Variants in SKI observed in about 807,000 individuals in gnomAD.
The protein encoded by SKI is SKI proto-oncogene.
In SKI, 23 loss-of-function variants were observed where a neutral mutation model predicts 59.3. The observed-to-expected ratio is 0.39, with a 90% confidence interval of 0.28 to 0.55. The LOEUF (loss-of-function observed/expected upper bound fraction) is 0.55. SKI is among the 20% of genes least tolerant of loss of function. The probability of loss-of-function intolerance (pLI) is 0.67; values close to 1 mark genes in which losing one functional copy is unlikely to be tolerated. For synonymous variants in SKI, 673 were observed against 488.6 expected (o/e 1.38, Z -4.98); for missense variants, 1,017 against 1,038.9 (o/e 0.98, Z 0.29).
intron 1 of SKI, among the ~76,000 whole-genome samples, chr1:2,258,518 T>C (rs962494981): frequency 5.3e-5 from 8 of 151,924 alleles, no homozygotes; most frequent in Non-Finnish European, 1.0e-4. Context: ...TTTTTTTTTT[T>C]TCTCCCATGA....
rs1330346480 is a variant in SKI, at chr1:2,228,957, T to G, written c.191T>G (p.Val64Gly). ...EAGAAAVPAP[V>G]PAATEPPPVL... ...GGCGCGGCCGCGGTGCCGGCGCCGG[T>G]GCCCGCAGCCACCGAGCCGCCGCCC... The change falls in exon 1 of 7, where the codon GTG (valine) becomes GGG (glycine). Residue 64 changes from valine (V) to glycine (G), a missense_variant. Val to Gly is a moderately radical substitution (Grantham distance 109). Coordinates refer to ENST00000378536, the MANE Select transcript of SKI (RefSeq NM_003036.4). The G allele has an allele frequency of 2.8e-6, 4 of 1,414,612 alleles. No individual in the cohort carries two copies. The highest frequency in any genetic ancestry group is 3.7e-6 in the Non-Finnish European group (4 of 1,087,352). 87.6% of individuals were successfully genotyped at this position (1,414,612 alleles called of 1,614,324 possible).
rs1197950875 is a variant in SKI, at chr1:2,267,085, C to CT, written c.970-35891dup. On this transcript the variant is annotated intron_variant, in intron 1 of 6. Transcript: ENST00000378536. The surrounding 1 kb of genome is among the most constrained non-coding windows in gnomAD (Gnocchi z 4.1). ...TACATTAAATTCGTTTTGTTAACATCTTCATCACCGCCTTTTCAGTTTCAG... is the reference window on the plus strand; with the variant it reads ...TACATTAAATTCGTTTTGTTAACATCTTTCATCACCGCCTTTTCAGTTTCAG... 6.6e-6 allele frequency among the ~76,000 whole-genome samples: 1 copy of CT among 152,188 alleles called. No individual in the cohort carries two copies. Among genetic ancestry groups the CT allele is most frequent in the East Asian group, 1.9e-4 (1 of 5,202 alleles).
rs542970011 is a variant in SKI at position 2,229,396 on chromosome 1, C to T, written c.630C>T (p.Gly210=). 5.6e-6 allele frequency: 9 copies of T among 1,608,016 alleles called. No homozygotes were observed. The South Asian group carries it at 6.6e-5, about 12-fold the overall frequency. The part of the protein sequence containing the change: ...KKELAASLAL[G]LELSERSVRV... ...AGCTGGCCGCCAGCCTGGCGCTGGG[C>T]CTGGAGCTCAGCGAGCGCAGCGTCC... The change falls in exon 1 of 7, where the codon GGC becomes GGT. Residue 210 remains glycine (G), a synonymous_variant. Transcript: ENST00000378536. This position sits in a 1 kb window ranked among gnomAD's most constrained non-coding sequence, Gnocchi z 6.3.
At position 2,229,123 on chromosome 1, in the gene SKI, G is replaced by A; in HGVS notation, c.357G>A (p.Lys119=). The A allele has an allele frequency of 1.9e-6, 3 of 1,611,014 alleles. No individual in the cohort carries two copies. Among genetic ancestry groups the A allele is most frequent in the South Asian group, 1.1e-5 (1 of 91,074 alleles). ...CGTGCTTCGTGGTGGGAGGCGAGAA[G>A]CGCCTGTGTCTGCCGCAGATTCTCA... is the stretch of plus-strand genomic sequence containing the variant. ...TISCFVVGGE[K]RLCLPQILNS... is the part of the protein sequence containing the mutation. The change falls in exon 1 of 7, where the codon AAG becomes AAA. Residue 119 remains lysine (K), a synonymous_variant. Transcript: ENST00000378536. This position sits in a 1 kb window ranked among gnomAD's most constrained non-coding sequence, Gnocchi z 6.3.
At chr1:2,306,415 G>T (rs914726555) in intron 6 of SKI, among the ~76,000 whole-genome samples, 162 bp from the exon 7 acceptor site, 37 of 152,202 alleles carry the variant, frequency 2.4e-4, no homozygotes, top group Non-Finnish European at 3.7e-4. Context: ...TGGTTGCTGG[G>T]CCCTGCGTCT....
chr1:2,232,109 C>T lies in SKI; in HGVS notation c.969+2374C>T, dbSNP rs541958099. The stretch of plus-strand genomic sequence containing the variant: ...AGGCCCCGCCTCCGCCCTCACTGGC[C>T]GCCGTTGGCTCCTCCCACTCGTGTC... On this transcript the variant is annotated intron_variant, in intron 1 of 6. Coordinates refer to ENST00000378536, the MANE Select transcript of SKI (RefSeq NM_003036.4). Among the ~76,000 whole-genome samples, 148 of 152,346 alleles carry T rather than the reference C, an allele frequency of 9.7e-4. 1 individual carries two copies. Among genetic ancestry groups the T allele is most frequent in the Non-Finnish European group, 1.9e-3 (126 of 68,032 alleles).
Position 2,276,293 on chromosome 1 carries a change from C to A in SKI, c.970-26685C>A, listed in dbSNP as rs945650898. On this transcript the variant is annotated intron_variant, in intron 1 of 6. Coordinates refer to ENST00000378536, the MANE Select transcript of SKI (RefSeq NM_003036.4). ...TGTGGCTGGCTACCCCAGGTGGCTC[C>A]ACCCAGCTCTCAGAAGTTCACCTGC... is the stretch of plus-strand genomic sequence containing the variant. Among the ~76,000 whole-genome samples, 3 of 152,210 alleles carry A rather than the reference C, an allele frequency of 2.0e-5. No homozygotes were observed. The East Asian group carries it at 5.8e-4, about 30-fold the overall frequency.
At chr1:2,289,028 TGTCAGTGTG>T (rs1458095781) in intron 1 of SKI, among the ~76,000 whole-genome samples, 2 of 152,210 alleles carry the variant, frequency 1.3e-5, no homozygotes, top group East Asian at 3.8e-4. Context: ...GTCACTGAGC[TGTCAGTGTG>T]GTCAGCTTGC....
At chr1:2,286,024 C>T (rs1300651274) in intron 1 of SKI, among the ~76,000 whole-genome samples, 1 of 152,014 alleles carries the variant, frequency 6.6e-6, no homozygotes, top group Non-Finnish European at 1.5e-5. Context: ...CAGGCACGCA[C>T]TGCCACACCC....
Position 2,228,782 on chromosome 1 carries a change from G to GGCGGCC in SKI, c.22_27dup (p.Arg8_Gly9dup). 1 of 1,295,214 alleles carries GGCGGCC rather than the reference G, an allele frequency of 7.7e-7. No individual in the cohort carries two copies. The highest frequency in any genetic ancestry group is 9.9e-7 in the Non-Finnish European group (1 of 1,007,458). The allele number at this position is 1,295,214 out of a possible 1,614,324, so 80.2% of individuals were successfully genotyped here. On this transcript the variant is annotated inframe_insertion, in exon 1 of 7. Coordinates refer to ENST00000378536, the MANE Select transcript of SKI (RefSeq NM_003036.4). ...GGAGCGCACCATGGAGGCGGCGGCA[G>GGCGGCC]GCGGCCGCGGCTGTTTCCAGCCGCA... is the stretch of plus-strand genomic sequence containing the variant.
intron 1 of SKI, among the ~76,000 whole-genome samples, chr1:2,251,774 C>T (rs1017277092): frequency 2.0e-5 from 3 of 152,192 alleles, no homozygotes; most frequent in Non-Finnish European, 4.4e-5. Flanking sequence ...AAAAATGAAC[C>T]GCAAAGTATT....
chr1:2,239,000 C>T (rs934407697), intron 1 of SKI, among the ~76,000 whole-genome samples: 1 of 152,162 alleles, frequency 6.6e-6, no homozygotes, highest in Non-Finnish European at 1.5e-5. Flanking sequence ...TGGCCACCTG[C>T]CTGGTGCTCC....
intron 1 of SKI, among the ~76,000 whole-genome samples, chr1:2,236,628 ATC>A (rs1638754515): frequency 6.6e-6 from 1 of 152,118 alleles, no homozygotes; most frequent in Non-Finnish European, 1.5e-5. Context: ...GATGGTCTCC[ATC>A]TCCTGACCTC....
At chr1:2,241,962 T>C (rs368220810) in intron 1 of SKI, among the ~76,000 whole-genome samples, 7 of 151,782 alleles carry the variant, frequency 4.6e-5, no homozygotes, top group African/African-American at 1.5e-4. Flanking sequence ...TGTGTGTGTG[T>C]GTGTGTGTGC....
At chr1:2,287,534 C>G (rs574130172) in intron 1 of SKI, among the ~76,000 whole-genome samples, 1 of 152,190 alleles carries the variant, frequency 6.6e-6, no homozygotes, top group South Asian at 2.1e-4. Context: ...GACGGGGTTT[C>G]ACTGTGTTAG....
chr1:2,287,668 G>C (rs965973993), intron 1 of SKI, among the ~76,000 whole-genome samples: 1 of 152,116 alleles, frequency 6.6e-6, no homozygotes, highest in Non-Finnish European at 1.5e-5. Context: ...CTGCCGCAGG[G>C]GGGGTGTGGA....
chr1:2,246,504 C>T (rs1433272982), intron 1 of SKI, among the ~76,000 whole-genome samples: 1 of 152,146 alleles, frequency 6.6e-6, no homozygotes, highest in Non-Finnish European at 1.5e-5. Flanking sequence ...CTGGAGGCTG[C>T]CTCTGTCCTC....
intron 1 of SKI, among the ~76,000 whole-genome samples, chr1:2,276,315 C>T (rs1254315501): frequency 6.6e-6 from 1 of 152,168 alleles, no homozygotes; most frequent in Admixed American, 6.5e-5. Flanking sequence ...AGAAGTTCAC[C>T]TGCTGCACTC....
intron 1 of SKI, among the ~76,000 whole-genome samples, chr1:2,294,071 G>A (rs1301546025): frequency 6.6e-6 from 1 of 152,210 alleles, no homozygotes; most frequent in Non-Finnish European, 1.5e-5. Flanking sequence ...TTGGAAGGAT[G>A]TCGTGCAGGA....
Sources: allele counts gnomAD v4.1 joint callset (sites outside exome capture counted in the v4.1 genomes callset), GRCh38; gene constraint gnomAD v4.1.1; non-coding constraint Gnocchi (gnomAD v3.1); transcripts MANE v1.5; gene names NCBI Gene and HGNC (gene_info 2026-07-23, HGNC 2026-07-21).